GALNTL6: variants seen among roughly 807,000 people sequenced by gnomAD.
GALNTL6 encodes polypeptide N-acetylgalactosaminyltransferase-like 6.
In GALNTL6, 46 loss-of-function variants were observed where a neutral mutation model predicts 73.7. The observed-to-expected ratio is 0.62, with a 90% CI of 0.49 to 0.80. The LOEUF is 0.80. GALNTL6 is among the 30% of genes least tolerant of loss of function. The pLI, the probability that GALNTL6 is intolerant of heterozygous loss-of-function variation, is 0.00. For missense variants in GALNTL6, 604 were observed against 755.0 expected, an observed-to-expected ratio of 0.80 and a Z score of 2.34; for synonymous variants, 259 against 263.7, an observed-to-expected ratio of 0.98 and a Z score of 0.17.
intron 2 of GALNTL6, among the ~76,000 whole-genome samples, chr4:171,999,588 A>T (rs975665538): frequency 1.8e-4 from 28 of 152,038 alleles, no homozygotes; most frequent in African/African-American, 6.8e-4. Flanking sequence ...TGGTAGTTTG[A>T]TTTCATTTCC....
intron 5 of GALNTL6, among the ~76,000 whole-genome samples, chr4:172,408,929 AT>A (rs1453793005): frequency 2.6e-5 from 4 of 152,056 alleles, no homozygotes; most frequent in African/African-American, 9.7e-5. Context: ...TATGTTCATT[AT>A]TTTGAAGTTA....
chr4:171,843,533 T>C (rs1006293731), intron 2 of GALNTL6, among the ~76,000 whole-genome samples: 1 of 152,172 alleles, frequency 6.6e-6, no homozygotes, highest in Non-Finnish European at 1.5e-5. Flanking sequence ...TTTTTCTACT[T>C]CTTTTATATT....
chr4:172,559,160 G>C (rs1736256859), intron 5 of GALNTL6, among the ~76,000 whole-genome samples: 1 of 123,960 alleles, frequency 8.1e-6, no homozygotes, highest in Non-Finnish European at 1.6e-5. Context: ...CACCTCCCAG[G>C]TTCATGCCGT....
At chr4:171,943,623 T>TA (rs914383851) in intron 2 of GALNTL6, among the ~76,000 whole-genome samples, 9 of 152,258 alleles carry the variant, frequency 5.9e-5, no homozygotes, top group Non-Finnish European at 1.0e-4. Flanking sequence ...AAAAGATCTT[T>TA]AAAAAAATCT....
chr4:172,859,895 C>T lies in GALNTL6; in HGVS notation c.924-22895C>T, dbSNP rs139586649. Among the ~76,000 whole-genome samples the T allele has an allele frequency of 8.3e-3, 1,263 of 152,280 alleles. 12 individuals carry two copies. The highest frequency in any genetic ancestry group is 0.029 in the African/African-American group (1,202 of 41,550). ...CTGATGATCTGTCATTATCTCCCAT[C>T]ACCCCCAGATGGGACCGTCTAGTTG... On this transcript the variant is annotated intron_variant, in intron 7 of 12. Transcript: ENST00000506823.
intron 2 of GALNTL6, among the ~76,000 whole-genome samples, chr4:171,990,413 CAGTA>C (rs1272674263): frequency 6.6e-6 from 1 of 152,008 alleles, no homozygotes; most frequent in East Asian, 1.9e-4. Context: ...AGTCACATAA[CAGTA>C]AGAGGCAGAA....
chr4:172,018,905 C>T lies in GALNTL6; in HGVS notation c.138+204187C>T, dbSNP rs180875073. ...GGGTGCAAGCTGGAGAATGGGAGTG[C>T]CTATAAGGCTCTTCCTGCTGCTACT... On this transcript the variant is annotated intron_variant, in intron 2 of 12. Transcript: ENST00000506823. Among the ~76,000 whole-genome samples, 1,183 of 152,140 alleles carry T rather than the reference C, an allele frequency of 7.8e-3. 21 individuals carry two copies. The highest frequency in any genetic ancestry group is 0.025 in the African/African-American group (1,036 of 41,528).
intron 10 of GALNTL6, among the ~76,000 whole-genome samples, chr4:172,953,711 T>G (rs1337729315): frequency 1.3e-5 from 2 of 152,248 alleles, no homozygotes; most frequent in African/African-American, 4.8e-5. Flanking sequence ...GAGTCAATCC[T>G]GCCACTACAC....
rs926771871 is a variant in GALNTL6 at position 172,324,811 on chromosome 4, C to A, written c.386+13059C>A. Among the ~76,000 whole-genome samples the A allele has an allele frequency of 3.3e-5, 5 of 150,688 alleles. No individual in the cohort carries two copies. The East Asian group carries it at 7.9e-4, about 24-fold the overall frequency. On this transcript the variant is annotated intron_variant, in intron 4 of 12. Transcript: ENST00000506823. ...ATGCAAATATTTAGAAATTAAATAGCATTTATAAAGGACTCATGAATCAAA... is the reference window on the plus strand; with the variant it reads ...ATGCAAATATTTAGAAATTAAATAGAATTTATAAAGGACTCATGAATCAAA...
chr4:172,321,844 C>T (rs867274156), intron 4 of GALNTL6, among the ~76,000 whole-genome samples: 21 of 152,078 alleles, frequency 1.4e-4, no homozygotes, highest in Non-Finnish European at 7.3e-5. Flanking sequence ...TATTAAATCT[C>T]TCTAAGACAA....
chr4:172,378,625 T>G (rs1743140639), intron 5 of GALNTL6, among the ~76,000 whole-genome samples: 2 of 152,114 alleles, frequency 1.3e-5, no homozygotes, highest in Admixed American at 1.3e-4. Context: ...TTCAGATGAA[T>G]AAAGATTATT....
chr4:172,348,355 C>A (rs558814427), intron 4 of GALNTL6, among the ~76,000 whole-genome samples, 168 bp from the exon 5 acceptor site: 1 of 152,312 alleles, frequency 6.6e-6, no homozygotes, highest in African/African-American at 2.4e-5. Context: ...ATCATTAATG[C>A]ATTCCGTGAA....
chr4:172,328,006 T>A (rs1021095746), intron 4 of GALNTL6, among the ~76,000 whole-genome samples: 1 of 152,190 alleles, frequency 6.6e-6, no homozygotes, highest in Non-Finnish European at 1.5e-5. Flanking sequence ...TGTGTGTGTT[T>A]TTTTATTGGC....
Position 172,227,493 on chromosome 4 carries a change from G to C in GALNTL6, c.139-2163G>C, listed in dbSNP as rs373357130. ...AAATCACTCCCTTGTTTGAGTCGAA[G>C]AGAGAACCCAGAAGAGTCTAACTGC... is the stretch of plus-strand genomic sequence containing the variant. On this transcript the variant is annotated intron_variant, in intron 2 of 12. Coordinates refer to ENST00000506823, the MANE Select transcript of GALNTL6 (RefSeq NM_001034845.3). 9.2e-5 allele frequency among the ~76,000 whole-genome samples: 14 copies of C among 152,234 alleles called. No homozygotes were observed. The East Asian group carries it at 2.7e-3, about 29-fold the overall frequency.
At chr4:172,428,285 C>G (rs1001004233) in intron 5 of GALNTL6, among the ~76,000 whole-genome samples, 1 of 152,022 alleles carries the variant, frequency 6.6e-6, no homozygotes, top group African/African-American at 2.4e-5. Context: ...GTAGATAGAT[C>G]TTTTTGTGAA....
At chr4:172,864,164 G>A (rs764691600) in intron 7 of GALNTL6, among the ~76,000 whole-genome samples, 12 of 152,114 alleles carry the variant, frequency 7.9e-5, no homozygotes, top group Non-Finnish European at 1.5e-4. Context: ...CCAGTCTCAG[G>A]TATCTCTCTA....
At chr4:171,891,227 C>T (rs7666494) in intron 2 of GALNTL6, among the ~76,000 whole-genome samples, 39,230 of 151,966 alleles carry the variant, frequency 0.26, 6,225 homozygotes, top group African/African-American at 0.44. Context: ...AGATGTTTTT[C>T]TCTAAGACCA....
intron 9 of GALNTL6, among the ~76,000 whole-genome samples, chr4:172,940,700 G>T (rs1344008065): frequency 1.3e-4 from 19 of 151,904 alleles, no homozygotes; most frequent in African/African-American, 4.8e-5. Context: ...TAGAGACAGG[G>T]TCTCACTCTA....
At chr4:171,847,530 G>A (rs1735406189) in intron 2 of GALNTL6, among the ~76,000 whole-genome samples, 1 of 152,108 alleles carries the variant, frequency 6.6e-6, no homozygotes, top group Non-Finnish European at 1.5e-5. Flanking sequence ...TTTTCTTGTA[G>A]CATGTGATTC....
Sources: allele counts gnomAD v4.1 joint callset (sites outside exome capture counted in the v4.1 genomes callset), GRCh38; gene constraint gnomAD v4.1.1; transcripts MANE v1.5; gene names NCBI Gene and HGNC (gene_info 2026-07-23, HGNC 2026-07-21).